DLGAP2: variants seen among roughly 807,000 people sequenced by gnomAD.
The protein encoded by DLGAP2 is disks large-associated protein 2.
In DLGAP2, 26 loss-of-function variants were observed where a neutral mutation model predicts 100.3. That is an observed-to-expected ratio of 0.26 (90% CI 0.19 to 0.36). The LOEUF is 0.36. DLGAP2 is among the 10% of genes least tolerant of loss of function. The pLI is 1.00. For synonymous variants in DLGAP2, 886 were observed against 630.1 expected (o/e 1.41, Z -6.08); for missense variants, 1,858 against 1,453.2 (o/e 1.28, Z -4.53).
rs559592587 is a variant in DLGAP2, at chr8:1,545,121, A to G, written c.173-3505A>G. Among the ~76,000 whole-genome samples the G allele has an allele frequency of 2.0e-4, 30 of 152,194 alleles. No individual in the cohort carries two copies. In the South Asian group the frequency reaches 2.3e-3, roughly 12 times the overall value. ...TTTATCTGGCTTTGCTAGCAGGGTA[A>G]TTCTGGCCCTGATAGAATTACCATA... On this transcript the variant is annotated intron_variant, in intron 4 of 14. Coordinates refer to ENST00000637795, the MANE Select transcript of DLGAP2 (RefSeq NM_001346810.2).
chr8:1,033,482 C>T (rs1206840258), intron 2 of DLGAP2, among the ~76,000 whole-genome samples: 1 of 152,146 alleles, frequency 6.6e-6, no homozygotes, highest in Admixed American at 6.5e-5. Context: ...GCCTGGGCAA[C>T]ATGGCAAAAC....
At chr8:1,574,660 T>C (rs1016998404) in intron 6 of DLGAP2, among the ~76,000 whole-genome samples, 13 of 152,192 alleles carry the variant, frequency 8.5e-5, no homozygotes, top group Admixed American at 6.5e-4. Flanking sequence ...TTACTGCAAA[T>C]AAAAGCTTCC....
chr8:1,164,895 C>G (rs941572819), intron 2 of DLGAP2, among the ~76,000 whole-genome samples: 2 of 152,060 alleles, frequency 1.3e-5, no homozygotes, highest in Non-Finnish European at 2.9e-5. Context: ...TTGACCTCGT[C>G]TCCTGTAAAA....
rs747493177 is a variant in DLGAP2, at chr8:1,565,694, T to G, written c.1242T>G (p.Asp414Glu). The change falls in exon 6 of 15, where the codon GAT becomes GAG. Residue 414 changes from aspartate to glutamate, a missense_variant. By Grantham distance (45) the Asp-to-Glu change is conservative. Transcript: ENST00000637795. ...CTGTCTGCTCCCAGGTACCTCAGGA[T>G]GAGTGGGGAGGGTACCCCACCGGTG... ...RPCHYLQVPQDEWGGYPTGGK... is the reference protein window; with the variant it reads ...RPCHYLQVPQEEWGGYPTGGK... 6.2e-7 allele frequency: 1 copy of G among 1,612,520 alleles called. No homozygotes were observed. The highest frequency in any genetic ancestry group is 1.1e-5 in the South Asian group (1 of 90,760).
chr8:1,453,056 G>T (rs1180567497), intron 3 of DLGAP2, among the ~76,000 whole-genome samples: 1 of 152,112 alleles, frequency 6.6e-6, no homozygotes, highest in Admixed American at 6.6e-5. Flanking sequence ...CATTTCTCTG[G>T]GGTGCAAATG....
intron 2 of DLGAP2, among the ~76,000 whole-genome samples, chr8:909,711 G>A (rs966657576): frequency 6.6e-5 from 10 of 152,116 alleles, no homozygotes; most frequent in African/African-American, 1.9e-4. Flanking sequence ...TTTAATATTC[G>A]GTGTGGATAA....
chr8:1,042,948 A>G (rs1188573980), intron 2 of DLGAP2, among the ~76,000 whole-genome samples: 334 of 14,764 alleles, frequency 0.023, no homozygotes, highest in Admixed American at 0.03. Flanking sequence ...GGTGGTGGAT[A>G]TGGCTGGTAG....
intron 8 of DLGAP2, among the ~76,000 whole-genome samples, chr8:1,650,981 C>T (rs1798148337): frequency 6.6e-6 from 1 of 152,184 alleles, no homozygotes; most frequent in African/African-American, 2.4e-5. Flanking sequence ...GCTGCTGCTT[C>T]TCATGTCTGC....
intron 2 of DLGAP2, among the ~76,000 whole-genome samples, chr8:1,150,504 T>C (rs1157105756): frequency 6.6e-6 from 1 of 152,226 alleles, no homozygotes; most frequent in East Asian, 1.9e-4. Context: ...TGCAGGACTG[T>C]GCCAGATTTG....
chr8:1,262,042 G>A (rs1188811677), intron 3 of DLGAP2, among the ~76,000 whole-genome samples: 4 of 152,218 alleles, frequency 2.6e-5, no homozygotes, highest in African/African-American at 7.2e-5. Context: ...GGCTAAGCCA[G>A]TGAAGTGGGA....
chr8:1,438,909 G>GA (rs1797739315), intron 3 of DLGAP2, among the ~76,000 whole-genome samples: 1 of 151,934 alleles, frequency 6.6e-6, no homozygotes, highest in Admixed American at 6.6e-5. Context: ...TTTTTTACTA[G>GA]AAAAAAGCAC....
intron 3 of DLGAP2, among the ~76,000 whole-genome samples, chr8:1,313,645 G>A (rs1336168537): frequency 2.6e-5 from 4 of 152,138 alleles, no homozygotes; most frequent in African/African-American, 4.8e-5. Flanking sequence ...GCTTCACAGC[G>A]GCAGGCTCTG....
rs140998592 is a variant in DLGAP2, at chr8:1,445,152, C to T, written c.107-56214C>T. Among the ~76,000 whole-genome samples the T allele has an allele frequency of 7.1e-3, 1,064 of 149,936 alleles. 14 individuals are homozygous for T. Among genetic ancestry groups the T allele is most frequent in the African/African-American group, 0.024 (977 of 40,594 alleles). On this transcript the variant is annotated intron_variant, in intron 3 of 14. Coordinates refer to ENST00000637795, the MANE Select transcript of DLGAP2 (RefSeq NM_001346810.2). ...GTGTACAATGTGCAGGTTTGTTATA[C>T]ATGTATACATGTGCCATGCTGGTGT... is the stretch of plus-strand genomic sequence containing the variant.
intron 2 of DLGAP2, among the ~76,000 whole-genome samples, chr8:1,198,292 G>C (rs1204405896): frequency 2.0e-5 from 3 of 152,138 alleles, no homozygotes; most frequent in Non-Finnish European, 4.4e-5. Context: ...TCAAGTTTGT[G>C]ACCAGAAAGC....
chr8:1,146,644 AGT>A (rs1275273661), intron 2 of DLGAP2, among the ~76,000 whole-genome samples: 1 of 147,982 alleles, frequency 6.8e-6, no homozygotes, highest in Non-Finnish European at 1.5e-5. Flanking sequence ...TGTGCATGTG[AGT>A]GTGTGCATGC....
intron 2 of DLGAP2, among the ~76,000 whole-genome samples, chr8:1,193,864 A>C (rs562706125): frequency 1.3e-5 from 2 of 152,046 alleles, no homozygotes; most frequent in South Asian, 4.2e-4. Context: ...CGGCCTCTAG[A>C]GCCTCCGCAC....
intron 2 of DLGAP2, among the ~76,000 whole-genome samples, chr8:1,219,965 T>TA (rs1355569031): frequency 6.6e-6 from 1 of 152,092 alleles, no homozygotes; most frequent in Admixed American, 6.5e-5. Flanking sequence ...AATATCCCCT[T>TA]TGTCATTTCT....
At chr8:1,283,547 C>A (rs1409272697) in intron 3 of DLGAP2, among the ~76,000 whole-genome samples, 2 of 152,242 alleles carry the variant, frequency 1.3e-5, no homozygotes, top group Non-Finnish European at 2.9e-5. Context: ...CCTTGGCACT[C>A]GGCTTTGCTT....
intron 1 of DLGAP2, among the ~76,000 whole-genome samples, chr8:854,604 T>C (rs946888508): frequency 6.6e-6 from 1 of 151,902 alleles, no homozygotes; most frequent in African/African-American, 2.4e-5. Context: ...TGTGCATGCA[T>C]GTGTGTGCAT....
Sources: allele counts gnomAD v4.1 joint callset (sites outside exome capture counted in the v4.1 genomes callset), GRCh38; gene constraint gnomAD v4.1.1; transcripts MANE v1.5; gene names NCBI Gene and HGNC (gene_info 2026-07-23, HGNC 2026-07-21).